The following DHX15 variants were observed in gnomAD, a reference collection of about 807,000 sequenced individuals.
DHX15 encodes DEAH-box helicase 15.
Under a neutral mutation model 94.4 loss-of-function variants are expected in DHX15, and 11 were observed. That is an observed-to-expected ratio of 0.12 (90% CI 0.07 to 0.19). The LOEUF (loss-of-function observed/expected upper bound fraction) is 0.19, where lower values mean the gene tolerates loss of function less well. Among genes scored for constraint, DHX15 ranks in the 10% least tolerant of loss-of-function variants. The pLI is 1.00. For missense variants in DHX15, 304 were observed against 988.5 expected, an observed-to-expected ratio of 0.31 and a Z score of 9.29; for synonymous variants, 338 against 329.9, an observed-to-expected ratio of 1.02 and a Z score of -0.27.
intron 6 of DHX15, among the ~76,000 whole-genome samples, chr4:24,543,752 G>A (rs189078967): frequency 9.6e-4 from 146 of 152,152 alleles, no homozygotes; most frequent in South Asian, 2.7e-3. Context: ...TTAAGGACTT[G>A]GGAAATACAT....
chr4:24,578,067 TC>T (rs1722314937), intron 1 of DHX15, among the ~76,000 whole-genome samples: 1 of 152,188 alleles, frequency 6.6e-6, no homozygotes, highest in African/African-American at 2.4e-5. Flanking sequence ...AAAGTGATTT[TC>T]CCCTCTTCCA....
chr4:24,562,368 C>T (rs1029591583), intron 3 of DHX15, among the ~76,000 whole-genome samples: 1 of 152,004 alleles, frequency 6.6e-6, no homozygotes, highest in Non-Finnish European at 1.5e-5. Context: ...TTACATGGAG[C>T]GATGAGGAAC....
In DHX15 at chr4:24,554,951, A is replaced by T; in HGVS notation, c.862-8T>A. The T allele has an allele frequency of 6.2e-7, 1 of 1,605,088 alleles. No individual in the cohort carries two copies. The highest frequency in any genetic ancestry group is 2.2e-5 in the East Asian group (1 of 44,730). On this transcript the variant is annotated splice_polypyrimidine_tract_variant and splice_region_variant and intron_variant, in intron 4 of 13. Transcript: ENST00000336812. ...AGCGCTCATAACTATAACCTGAAAG[A>T]AAACAGTAAATTATTTGAAGCTGTC...
At chr4:24,563,234 G>A (rs1036509127) in intron 3 of DHX15, 2 of 152,054 alleles carry the variant, frequency 1.3e-5, no homozygotes, top group African/African-American at 2.4e-5. Flanking sequence ...GGAAGGCAGT[G>A]GCTACTCACA....
Position 24,540,233 on chromosome 4 carries a change from T to C in DHX15, c.1661A>G (p.Asp554Gly). The C allele has an allele frequency of 6.2e-7, 1 of 1,613,448 alleles. No homozygotes were observed. Among genetic ancestry groups the C allele is most frequent in the Non-Finnish European group, 8.5e-7 (1 of 1,179,586 alleles). The change falls in exon 10 of 14, where the codon GAT becomes GGT. Residue 554 changes from aspartate (D) to glycine (G), a missense_variant. Around this residue, in one of 9 missense-constraint regions of DHX15, gnomAD observed 10 missense variants for 179.2 expected, o/e 0.06. Coordinates refer to ENST00000336812, the MANE Select transcript of DHX15 (RefSeq NM_001358.3). ...NYLAALNDDG[D>G]LTELGSMMAE... ...CATCATGGATCCCAATTCAGTCAGATCTCCATCATCATTTAAAGCAGCCAG... is the reference window on the plus strand; with the variant it reads ...CATCATGGATCCCAATTCAGTCAGACCTCCATCATCATTTAAAGCAGCCAG...
chr4:24,546,734 G>C (rs959035990), intron 6 of DHX15, among the ~76,000 whole-genome samples: 4 of 152,022 alleles, frequency 2.6e-5, no homozygotes, highest in African/African-American at 9.7e-5. Flanking sequence ...AACTAATAGA[G>C]AAATAAGAAA....
At chr4:24,541,373 G>A (rs1721306218) in intron 8 of DHX15, among the ~76,000 whole-genome samples, 1 of 152,066 alleles carries the variant, frequency 6.6e-6, no homozygotes, top group South Asian at 2.1e-4. Context: ...ATCAACTTTT[G>A]CAGTATCACA....
chr4:24,566,779 T>C (rs902191386), intron 3 of DHX15, among the ~76,000 whole-genome samples: 3 of 152,164 alleles, frequency 2.0e-5, no homozygotes. Context: ...TGAGCCGAGA[T>C]GGCACCACTG....
chr4:24,553,088 C>T (rs1250720158), intron 5 of DHX15, among the ~76,000 whole-genome samples: 2 of 152,058 alleles, frequency 1.3e-5, no homozygotes, highest in Non-Finnish European at 2.9e-5. Context: ...TTTGGGAGGC[C>T]GAGGCGGGTG....
intron 11 of DHX15, chr4:24,533,372 A>G (rs961633755): frequency 2.7e-6 from 1 of 369,978 alleles, no homozygotes; most frequent in African/African-American, 2.1e-5. Flanking sequence ...CAGATAAGGG[A>G]AGGCTGGAAG....
intron 6 of DHX15, among the ~76,000 whole-genome samples, chr4:24,544,562 C>T (rs1721383869): frequency 6.6e-6 from 1 of 152,152 alleles, no homozygotes; most frequent in Admixed American, 6.5e-5. Context: ...CAACGACATA[C>T]ATAAGGTTAA....
intron 5 of DHX15, among the ~76,000 whole-genome samples, chr4:24,550,847 T>C (rs552170126): frequency 7.2e-5 from 11 of 152,348 alleles, no homozygotes; most frequent in East Asian, 3.9e-4. Context: ...CTGGACATAA[T>C]TGTACATACT....
At chr4:24,534,213 T>C (rs985177388) in intron 11 of DHX15, 2 of 152,166 alleles carry the variant, frequency 1.3e-5, no homozygotes, top group African/African-American at 2.4e-5. Context: ...CTGAATATCT[T>C]TGGGAGCTGA....
At chr4:24,570,344 T>C (rs958590191) in intron 3 of DHX15, among the ~76,000 whole-genome samples, 5 of 152,224 alleles carry the variant, frequency 3.3e-5, no homozygotes, top group African/African-American at 7.2e-5. Context: ...ATCACTTTCC[T>C]TTTCTTTCAC....
chr4:24,564,440 G>T (rs1196127896), intron 3 of DHX15, among the ~76,000 whole-genome samples: 1 of 152,132 alleles, frequency 6.6e-6, no homozygotes, highest in East Asian at 1.9e-4. Context: ...TATCAGGAAA[G>T]GATTGATACT....
intron 11 of DHX15, chr4:24,534,329 G>C (rs1721149552): frequency 6.6e-6 from 1 of 152,150 alleles, no homozygotes; most frequent in Non-Finnish European, 1.5e-5. Flanking sequence ...TTTTGAAAAG[G>C]TTGTTGATTT....
intron 6 of DHX15, among the ~76,000 whole-genome samples, chr4:24,547,903 GTATA>G (rs869194543): frequency 0.088 from 6,246 of 70,662 alleles, 333 homozygotes; most frequent in Non-Finnish European, 0.13. Flanking sequence ...GTATGTATGT[GTATA>G]TATATATATA....
Position 24,576,659 on chromosome 4 carries a change from G to A in DHX15, c.91C>T (p.Arg31Trp), listed in dbSNP as rs368980504. 90 of 1,612,458 alleles carry A rather than the reference G, an allele frequency of 5.6e-5. No individual in the cohort carries two copies. The highest frequency in any genetic ancestry group is 7.3e-5 in the Non-Finnish European group (86 of 1,178,870). The change falls in exon 2 of 14, where the codon CGG becomes TGG. Residue 31 changes from arginine to tryptophan, a missense_variant. Coordinates refer to ENST00000336812, the MANE Select transcript of DHX15 (RefSeq NM_001358.3). The stretch of plus-strand genomic sequence containing the variant: ...TCTTTAGACCGATCTTCACGATCCC[G>A]GTCTCGATCTCGATCCTTCCTAAAA... Reference protein sequence around the residue: ...GTDGKDRDRDRDREDRSKDRD... With the variant: ...GTDGKDRDRDWDREDRSKDRD...
chr4:24,574,116 G>T (rs1263922699), intron 2 of DHX15, among the ~76,000 whole-genome samples: 1 of 143,790 alleles, frequency 7.0e-6, no homozygotes, highest in African/African-American at 2.6e-5. Flanking sequence ...TGAGGCAGGA[G>T]AATCACTTGA....
Sources: allele counts gnomAD v4.1 joint callset (sites outside exome capture counted in the v4.1 genomes callset), GRCh38; gene constraint gnomAD v4.1.1; regional missense constraint gnomAD v4.1.1; transcripts MANE v1.5; gene names NCBI Gene and HGNC (gene_info 2026-07-23, HGNC 2026-07-21).